JRK: variants seen among roughly 807,000 people sequenced by gnomAD.
JRK encodes jerky protein homolog.
For missense variants in JRK, 720 were observed against 509.2 expected (o/e 1.41, Z -3.98); for synonymous variants, 303 against 218.1 (o/e 1.39, Z -3.43).
At chr8:142,654,869 T>C (rs1263438469), downstream of JRK, among the ~76,000 whole-genome samples, 1 of 151,330 alleles carries the variant, frequency 6.6e-6, no homozygotes, top group African/African-American at 2.4e-5. Context: ...GCAGAAGACC[T>C]AGGCCTCCCA....
rs1222545363 is a variant in JRK, at chr8:142,663,224, C to T, written c.*1128G>A. On this transcript the variant is annotated 3_prime_UTR_variant, in exon 2 of 2. Transcript: ENST00000612905. ...GAGGCTAATCACTGTGGACACAGGG[C>T]GTTCTGGAATCTCAGCTGCAGGCAG... The T allele has an allele frequency of 2.0e-6, 2 of 985,290 alleles. No individual in the cohort carries two copies. The highest frequency in any genetic ancestry group is 2.3e-4 in the East Asian group (2 of 8,822). 61.0% of individuals were successfully genotyped at this position (985,290 alleles called of 1,614,324 possible).
At chr8:142,645,605 G>A in the JRK span, among the ~76,000 whole-genome samples, 9 of 152,170 alleles carry the variant, frequency 5.9e-5, no homozygotes, top group East Asian at 3.9e-4. Context: ...GCATGAACCC[G>A]GGAGGCGGAG....
chr8:142,668,637 C>G (rs1159187508), intron 1 of JRK, among the ~76,000 whole-genome samples: 5 of 151,856 alleles, frequency 3.3e-5, no homozygotes, highest in African/African-American at 4.8e-5. Context: ...AGACTCAACA[C>G]CAGACACAGC....
Position 142,659,782 on chromosome 8 carries a change from G to C in JRK, c.*4570C>G. On this transcript the variant is annotated 3_prime_UTR_variant, in exon 2 of 2. Transcript: ENST00000612905. ...CAGCAGGGAGTGAGCAGTGGAGAAC[G>C]TGAGGCTGGTCATTAGGAGCAGGTA... The C allele has an allele frequency of 1.0e-6, 1 of 985,570 alleles. No homozygotes were observed. The highest frequency in any genetic ancestry group is 1.2e-6 in the Non-Finnish European group (1 of 830,008). 61.1% of individuals were successfully genotyped at this position (985,570 alleles called of 1,614,324 possible).
Position 142,664,219 on chromosome 8 carries a change from G to T in JRK, c.*133C>A, listed in dbSNP as rs887246822. ...GGGCACCCGAGCCACACCCGTGGGC[G>T]ACCCACTCCTGGAAGGGCTCTTGAG... On this transcript the variant is annotated 3_prime_UTR_variant, in exon 2 of 2. Transcript: ENST00000612905. 2.6e-5 allele frequency: 36 copies of T among 1,410,126 alleles called. No homozygotes were observed. The East Asian group carries it at 8.8e-4, about 34-fold the overall frequency. 87.4% of individuals were successfully genotyped at this position (1,410,126 alleles called of 1,614,324 possible).
chr8:142,653,281 A>ATAAACAATT (rs1846697098), downstream of JRK, among the ~76,000 whole-genome samples: 1 of 152,220 alleles, frequency 6.6e-6, no homozygotes, highest in Non-Finnish European at 1.5e-5. Context: ...AGATGTAGGG[A>ATAAACAATT]TAAACAATTA....
rs892853041 is a variant in JRK at position 142,666,237 on chromosome 8, G to A, written c.-179C>T. 35 of 1,067,798 alleles carry A rather than the reference G, an allele frequency of 3.3e-5. No individual in the cohort carries two copies. Among genetic ancestry groups the A allele is most frequent in the South Asian group, 2.5e-4 (16 of 64,582 alleles). The allele number at this position is 1,067,798 out of a possible 1,614,324, so 66.1% of individuals were successfully genotyped here. ...CCCTCTCGGGTTTCTCACTCCACAC[G>A]CTGCACCTCCTGCCTCAGGTATCCC... On this transcript the variant is annotated 5_prime_UTR_variant, in exon 2 of 2. Transcript: ENST00000612905.
At chr8:142,652,660 G>A (rs1417568986), downstream of JRK, among the ~76,000 whole-genome samples, 1 of 152,178 alleles carries the variant, frequency 6.6e-6, no homozygotes, top group Non-Finnish European at 1.5e-5. Context: ...AGGGGAGGCT[G>A]ATTTAAGTAA....
chr8:142,664,178 G>C lies in JRK; in HGVS notation c.*174C>G. On this transcript the variant is annotated 3_prime_UTR_variant, in exon 2 of 2. Transcript: ENST00000612905. ...TAAAACCTGTATTGACAGGAACCTCGGGCACAGACCGTCCTGGGCACCCGA... is the reference window on the plus strand; with the variant it reads ...TAAAACCTGTATTGACAGGAACCTCCGGCACAGACCGTCCTGGGCACCCGA... 1 of 1,372,734 alleles carries C rather than the reference G, an allele frequency of 7.3e-7. No individual in the cohort carries two copies. The highest frequency in any genetic ancestry group is 2.1e-5 in the South Asian group (1 of 48,622). The allele number at this position is 1,372,734 out of a possible 1,614,324, so 85.0% of individuals were successfully genotyped here. A position where few individuals can be genotyped will look rare whatever the true frequency, so the allele number is the denominator to read the frequency against.
At position 142,657,501 on chromosome 8, in the gene JRK, C is replaced by G; in HGVS notation, c.*6851G>C. 6.3e-6 allele frequency: 1 copy of G among 159,114 alleles called. No individual in the cohort carries two copies. The highest frequency in any genetic ancestry group is 1.4e-5 in the Non-Finnish European group (1 of 73,432). 9.9% of individuals were successfully genotyped at this position (159,114 alleles called of 1,614,324 possible). On this transcript the variant is annotated 3_prime_UTR_variant, in exon 2 of 2. Transcript: ENST00000612905. ...GAGGTTTATTTGGCTCACAGTTCTG[C>G]AGGCTGTACAAGCAGCATGGTGCCA...
At position 142,665,426 on chromosome 8, in the gene JRK, C is replaced by G; in HGVS notation, c.633G>C (p.Gln211His). The change falls in exon 2 of 2, where the codon CAG becomes CAC. Residue 211 changes from glutamine (Q) to histidine (H), a missense_variant. Transcript: ENST00000612905. ...TCAGCACGGTCAGCCGGTCCTTGCC[C>G]TGCTTGGGGCCAGGCACAGCCCCGC... ...PEGGAVPGPKQGKDRLTVLMC... is the reference protein window; with the variant it reads ...PEGGAVPGPKHGKDRLTVLMC... 1.4e-6 allele frequency: 1 copy of G among 717,790 alleles called. No homozygotes were observed. Among genetic ancestry groups the G allele is most frequent in the South Asian group, 1.5e-5 (1 of 67,602 alleles). The allele number at this position is 717,790 out of a possible 1,614,324, so 44.5% of individuals were successfully genotyped here. A position where few individuals can be genotyped will look rare whatever the true frequency, so the allele number is the denominator to read the frequency against.
chr8:142,656,682 T>G (rs1466026502), downstream of JRK, among the ~76,000 whole-genome samples: 5 of 152,234 alleles, frequency 3.3e-5, no homozygotes, highest in Admixed American at 3.3e-4. Context: ...TCCTTACAAA[T>G]GAAGTCAGTT....
chr8:142,664,805 G>T lies in JRK; in HGVS notation c.1254C>A (p.Ile418=), dbSNP rs1554635345. The part of the protein sequence containing the change: ...VKPHNKSFAH[I]LELVKEGSSC... Reference sequence around the variant, plus strand: ...AGGAGCCTTCCTTCACAAGCTCCAGGATGTGTGCAAAGGACTTGTTGTGGG... The same window carrying T: ...AGGAGCCTTCCTTCACAAGCTCCAGTATGTGTGCAAAGGACTTGTTGTGGG... The change falls in exon 2 of 2, where the codon ATC becomes ATA. Residue 418 remains isoleucine (I), a synonymous_variant. Transcript: ENST00000612905. 6.3e-7 allele frequency: 1 copy of T among 1,597,150 alleles called. No individual in the cohort carries two copies. The highest frequency in any genetic ancestry group is 1.7e-5 in the Admixed American group (1 of 57,656).
Position 142,658,634 on chromosome 8 carries a change from T to C in JRK, c.*5718A>G. 1 of 608,860 alleles carries C rather than the reference T, an allele frequency of 1.6e-6. No individual in the cohort carries two copies. The highest frequency in any genetic ancestry group is 2.6e-6 in the Non-Finnish European group (1 of 385,208). The allele number at this position is 608,860 out of a possible 1,614,324, so 37.7% of individuals were successfully genotyped here. ...CGAGCCCCACCCTCACGATCTCACCTAAGCCTAGTCACCTCCCAAAGGCCC... is the reference window on the plus strand; with the variant it reads ...CGAGCCCCACCCTCACGATCTCACCCAAGCCTAGTCACCTCCCAAAGGCCC... On this transcript the variant is annotated 3_prime_UTR_variant, in exon 2 of 2. Coordinates refer to ENST00000612905, the MANE Select transcript of JRK (RefSeq NM_003724.4).
chr8:142,665,967 C>A lies in JRK; in HGVS notation c.92G>T (p.Arg31Leu), dbSNP rs782225462. ...TLKEKIDICT[R>L]LEKGESRKAL... ...CTTCCGGCTCTCGCCCTTCTCCAGG[C>A]GCGTGCAGATGTCAATCTTCTCCTT... Residue 31 changes from arginine to leucine, a missense_variant, in exon 2 of 2, where the codon CGC (arginine) becomes CTC (leucine). By Grantham distance (102) the Arg-to-Leu change is moderately radical (BLOSUM62 -2). Transcript: ENST00000612905. The A allele has an allele frequency of 9.6e-7, 1 of 1,037,412 alleles. No individual in the cohort carries two copies. Among genetic ancestry groups the A allele is most frequent in the Non-Finnish European group, 1.5e-6 (1 of 653,410 alleles). The allele number at this position is 1,037,412 out of a possible 1,614,324, so 64.3% of individuals were successfully genotyped here. A position where few individuals can be genotyped will look rare whatever the true frequency, so the allele number is the denominator to read the frequency against.
In JRK at chr8:142,665,684, G is replaced by A. The variant is rs368129640; in HGVS notation, c.375C>T (p.Leu125=). The A allele has an allele frequency of 6.8e-6, 5 of 733,530 alleles. No homozygotes were observed. The African/African-American group carries it at 8.6e-5, about 13-fold the overall frequency. The allele number at this position is 733,530 out of a possible 1,614,324, so 45.4% of individuals were successfully genotyped here. A position where few individuals can be genotyped will look rare whatever the true frequency, so the allele number is the denominator to read the frequency against. The part of the protein sequence containing the change: ...KAKDFYEQMQ[L]TEPCVFSGGW... ...CTCCGGAGAACACGCAGGGCTCAGT[G>A]AGCTGCATCTGCTCGTAGAAGTCCT... Residue 125 remains leucine (L), a synonymous_variant, in exon 2 of 2, where the codon CTC becomes CTT. Coordinates refer to ENST00000612905, the MANE Select transcript of JRK (RefSeq NM_003724.4).
rs782087123 is a variant in JRK, at chr8:142,665,255, G to A, written c.804C>T (p.Ser268=). 2.8e-5 allele frequency: 20 copies of A among 717,770 alleles called. No individual in the cohort carries two copies. The highest frequency in any genetic ancestry group is 4.9e-5 in the Non-Finnish European group (19 of 385,090). 44.5% of individuals were successfully genotyped at this position (717,770 alleles called of 1,614,324 possible). Residue 268 remains serine (S), a synonymous_variant, in exon 2 of 2, where the codon TCC becomes TCT. Transcript: ENST00000612905. ...GCACAAAGATATGATGGAACCAATCGGAAAAAATCTCCTTGTCCACCCAGG... is the reference window on the plus strand; with the variant it reads ...GCACAAAGATATGATGGAACCAATCAGAAAAAATCTCCTTGTCCACCCAGG... ...GNAWVDKEIF[S]DWFHHIFVPS...
rs1846898816 is a variant in JRK at position 142,661,058 on chromosome 8, C to G, written c.*3294G>C. 1 of 985,414 alleles carries G rather than the reference C, an allele frequency of 1.0e-6. No individual in the cohort carries two copies. The highest frequency in any genetic ancestry group is 1.2e-6 in the Non-Finnish European group (1 of 829,912). The allele number at this position is 985,414 out of a possible 1,614,324, so 61.0% of individuals were successfully genotyped here. A position where few individuals can be genotyped will look rare whatever the true frequency, so the allele number is the denominator to read the frequency against. On this transcript the variant is annotated 3_prime_UTR_variant, in exon 2 of 2. Coordinates refer to ENST00000612905, the MANE Select transcript of JRK (RefSeq NM_003724.4). The stretch of plus-strand genomic sequence containing the variant: ...GGATAAGAACAGTGGCCTGCGACGT[C>G]AGGGGCAGTCCAGGTGCTCTCCATC...
At chr8:142,669,195 T>TGC (rs782291420) in intron 1 of JRK, among the ~76,000 whole-genome samples, 100 of 63,082 alleles carry the variant, frequency 1.6e-3, no homozygotes, top group African/African-American at 2.6e-3. Flanking sequence ...TGTGTGTGTG[T>TGC]GTGTGCGTGT....
Sources: allele counts gnomAD v4.1 joint callset (sites outside exome capture counted in the v4.1 genomes callset), GRCh38; gene constraint gnomAD v4.1.1; transcripts MANE v1.5; gene names NCBI Gene and HGNC (gene_info 2026-07-23, HGNC 2026-07-21).